EYS: variants seen among roughly 807,000 people sequenced by gnomAD.
The protein encoded by EYS is EGF-like photoreceptor maintenance factor.
Under a neutral mutation model 282.1 loss-of-function variants are expected in EYS, and 250 were observed. That is an observed-to-expected ratio of 0.89 (90% CI 0.80 to 0.98). The LOEUF is 0.98. EYS is among the 50% of genes least tolerant of loss of function. The pLI is 0.00. For synonymous variants in EYS, 1,355 were observed against 1,282.9 expected, an observed-to-expected ratio of 1.06 and a Z score of -1.20; for missense variants, 4,016 against 3,709.0, an observed-to-expected ratio of 1.08 and a Z score of -2.15.
At chr6:64,433,722 A>T (rs1053988441) in intron 28 of EYS, among the ~76,000 whole-genome samples, 1 of 152,086 alleles carries the variant, frequency 6.6e-6, no homozygotes, top group African/African-American at 2.4e-5. Flanking sequence ...TAATAAAGAT[A>T]GTGAAAAATA....
chr6:63,863,758 C>T (rs1772604330), intron 36 of EYS, among the ~76,000 whole-genome samples: 1 of 149,060 alleles, frequency 6.7e-6, no homozygotes. Flanking sequence ...TCACTGCAAC[C>T]TCACCCTCCT....
At chr6:64,255,350 G>C (rs1282190000) in intron 30 of EYS, among the ~76,000 whole-genome samples, 1 of 152,054 alleles carries the variant, frequency 6.6e-6, no homozygotes, top group Non-Finnish European at 1.5e-5. Flanking sequence ...TATCCACTTT[G>C]TCTATGAGCA....
chr6:65,087,479 C>G (rs948672105), intron 12 of EYS, among the ~76,000 whole-genome samples: 1 of 152,144 alleles, frequency 6.6e-6, no homozygotes, highest in Non-Finnish European at 1.5e-5. Context: ...TATGATACTA[C>G]ACAGCTGTGC....
At chr6:64,180,802 C>T (rs1764767315) in intron 31 of EYS, among the ~76,000 whole-genome samples, 1 of 152,068 alleles carries the variant, frequency 6.6e-6, no homozygotes, top group African/African-American at 2.4e-5. Flanking sequence ...TAATCTTTTG[C>T]TTTTATTTCA....
intron 2 of EYS, among the ~76,000 whole-genome samples, chr6:65,622,326 A>C (rs1766534077): frequency 1.3e-5 from 2 of 152,182 alleles, no homozygotes; most frequent in Admixed American, 1.3e-4. Context: ...CATAAGTTAG[A>C]GCACCAACTT....
intron 31 of EYS, among the ~76,000 whole-genome samples, chr6:64,123,844 G>A (rs757004923): frequency 5.9e-5 from 9 of 152,094 alleles, no homozygotes; most frequent in Non-Finnish European, 1.0e-4. Context: ...TGTGCCTTTG[G>A]TTTAAAAGTT....
intron 26 of EYS, among the ~76,000 whole-genome samples, chr6:64,488,249 G>C (rs1776634036): frequency 6.6e-6 from 1 of 150,894 alleles, no homozygotes; most frequent in Non-Finnish European, 1.5e-5. Context: ...TTCTAAGCTA[G>C]AAGTAGGAAG....
At chr6:64,569,936 G>A (rs557205006) in intron 26 of EYS, among the ~76,000 whole-genome samples, 9 of 151,998 alleles carry the variant, frequency 5.9e-5, no homozygotes, top group African/African-American at 9.7e-5. Flanking sequence ...CAGGAAATAC[G>A]GAGAACAGCA....
intron 12 of EYS, among the ~76,000 whole-genome samples, chr6:65,082,858 G>A (rs1393174106): frequency 6.6e-6 from 1 of 151,742 alleles, no homozygotes; most frequent in Non-Finnish European, 1.5e-5. Context: ...ACTAATTACA[G>A]AAACATTTAT....
At chr6:63,959,307 A>G (rs1350569859) in intron 35 of EYS, among the ~76,000 whole-genome samples, 1 of 152,222 alleles carries the variant, frequency 6.6e-6, no homozygotes, top group East Asian at 1.9e-4. Flanking sequence ...TGAAACCATA[A>G]TGAGATACCA....
At chr6:65,050,156 CA>C (rs138948000) in intron 13 of EYS, among the ~76,000 whole-genome samples, 2 of 151,274 alleles carry the variant, frequency 1.3e-5, no homozygotes, top group African/African-American at 4.8e-5. Context: ...ATAAAAGAAG[CA>C]AAAAAATATT....
chr6:65,290,928 T>C (rs936343800), intron 12 of EYS, among the ~76,000 whole-genome samples: 11 of 151,288 alleles, frequency 7.3e-5, no homozygotes, highest in Non-Finnish European at 1.6e-4. Context: ...TCCTTTGAAA[T>C]TCAGGAAGAA....
chr6:65,433,138 T>TG (rs1476515783), intron 5 of EYS, among the ~76,000 whole-genome samples: 1 of 152,152 alleles, frequency 6.6e-6, no homozygotes, highest in East Asian at 1.9e-4. Flanking sequence ...AAAAGTCTAT[T>TG]GAGCCTTTTC....
chr6:64,952,727 C>T (rs145643705), intron 14 of EYS, among the ~76,000 whole-genome samples: 1 of 151,992 alleles, frequency 6.6e-6, no homozygotes, highest in Non-Finnish European at 1.5e-5. Context: ...TTTTATGATA[C>T]ATTTAAAGCA....
At chr6:65,483,421 A>C (rs73447204) in intron 5 of EYS, among the ~76,000 whole-genome samples, 6,062 of 152,232 alleles carry the variant, frequency 0.04, 146 homozygotes, top group African/African-American at 0.047. Context: ...GTTTGGAAGG[A>C]AATTCAAGAG....
chr6:64,967,122 A>G (rs1273022948), intron 14 of EYS, among the ~76,000 whole-genome samples: 1 of 152,068 alleles, frequency 6.6e-6, no homozygotes, highest in Admixed American at 6.6e-5. Context: ...AGCTTCAATT[A>G]TGGCATCCAT....
At chr6:63,912,205 A>G (rs1764271146) in intron 35 of EYS, among the ~76,000 whole-genome samples, 1 of 152,152 alleles carries the variant, frequency 6.6e-6, no homozygotes, top group South Asian at 2.1e-4. Context: ...ATATCTTTAT[A>G]GTGAAGCATC....
At chr6:64,989,624 A>G (rs796825713) in intron 14 of EYS, among the ~76,000 whole-genome samples, 48 of 144,228 alleles carry the variant, frequency 3.3e-4, no homozygotes, top group Middle Eastern at 3.6e-3. Flanking sequence ...AATATAAATT[A>G]AATATAAATT....
At chr6:65,619,280 G>A (rs554608582) in intron 2 of EYS, among the ~76,000 whole-genome samples, 15 of 151,558 alleles carry the variant, frequency 9.9e-5, no homozygotes, top group African/African-American at 2.9e-4. Flanking sequence ...TCCCTTGTAA[G>A]TTGGATTCCT....
Sources: gnomAD v4.1 joint callset for allele counts (sites outside exome capture counted in the v4.1 genomes callset) on GRCh38, gnomAD v4.1.1 for gene constraint, MANE v1.5 for transcripts, NCBI Gene and HGNC (gene_info 2026-07-23, HGNC 2026-07-21) for gene names.